LDLRAD4: variants seen among roughly 807,000 people sequenced by gnomAD.
LDLRAD4 encodes low density lipoprotein receptor class A domain containing 4, also known as low-density lipoprotein receptor class A domain-containing protein 4.
In LDLRAD4, 5 loss-of-function variants were observed where a neutral mutation model predicts 17.0. The observed-to-expected ratio is 0.29, with a 90% CI of 0.15 to 0.62. The LOEUF is 0.62. LDLRAD4 is among the 20% of genes least tolerant of loss of function. The probability of loss-of-function intolerance (pLI) is 0.84; values close to 1 mark genes in which losing one functional copy is unlikely to be tolerated. For missense variants in LDLRAD4, 340 were observed against 424.7 expected, an observed-to-expected ratio of 0.80 and a Z score of 1.75; for synonymous variants, 168 against 171.8, an observed-to-expected ratio of 0.98 and a Z score of 0.17.
intron 1 of LDLRAD4, among the ~76,000 whole-genome samples, chr18:13,242,516 G>A (rs2042714929): frequency 6.6e-6 from 1 of 152,098 alleles, no homozygotes; most frequent in Non-Finnish European, 1.5e-5. Context: ...TAGAACAATA[G>A]TAAAGAGGTT....
chr18:13,295,952 C>T (rs1166461983), intron 1 of LDLRAD4, among the ~76,000 whole-genome samples: 1 of 152,244 alleles, frequency 6.6e-6, no homozygotes. Context: ...ATCACTGGCT[C>T]CCCTCTCATA....
intron 1 of LDLRAD4, among the ~76,000 whole-genome samples, chr18:13,265,353 C>A (rs1368094144): frequency 6.6e-6 from 1 of 152,142 alleles, no homozygotes; most frequent in Non-Finnish European, 1.5e-5. Context: ...CCTGTGTGGC[C>A]TGGACGGGGT....
In LDLRAD4 at chr18:13,300,536, CCCGGTAGAGATA is replaced by C. The variant is rs566414278; in HGVS notation, c.-383+22351_-383+22362del. Among the ~76,000 whole-genome samples, 74 of 152,326 alleles carry C rather than the reference CCCGGTAGAGATA, an allele frequency of 4.9e-4. No homozygotes were observed. In the South Asian group the frequency reaches 0.015, roughly 30 times the overall value. ...TCCTCACTCTTCCTCCTGGGCCTGT[CCCGGTAGAGATA>C]CCCGGAACCCTCTCCTTCTCCTGGC... On this transcript the variant is annotated intron_variant, in intron 1 of 5. Transcript: ENST00000359446. The surrounding 1 kb of genome is among the most constrained non-coding windows in gnomAD (Gnocchi z 4.2).
rs1400644583 is a variant in LDLRAD4, at chr18:13,230,192, C to G, written c.-467+11204C>G. Among the ~76,000 whole-genome samples, 3 of 152,156 alleles carry G rather than the reference C, an allele frequency of 2.0e-5. No homozygotes were observed. In the East Asian group the frequency reaches 5.8e-4, roughly 29 times the overall value. On this transcript the variant is annotated intron_variant, in intron 1 of 5. Coordinates refer to the LDLRAD4 transcript ENST00000399848. ...AGGTGCCATCTATGAAGAATGGGCC[C>G]TCACCACACACCAGATCTGCCGGCA...
At chr18:13,270,937 A>G (rs2044500202) in intron 1 of LDLRAD4, among the ~76,000 whole-genome samples, 1 of 152,270 alleles carries the variant, frequency 6.6e-6, no homozygotes, top group African/African-American at 2.4e-5. Context: ...TTTGGATATT[A>G]TCTGTGTATA....
intron 1 of LDLRAD4, among the ~76,000 whole-genome samples, chr18:13,219,934 T>A (rs1295838896): frequency 6.6e-6 from 1 of 152,240 alleles, no homozygotes; most frequent in Non-Finnish European, 1.5e-5. Context: ...CATCTGTAAC[T>A]CTCCCTTTGT....
At chr18:13,246,939 G>C (rs1344516830) in intron 1 of LDLRAD4, among the ~76,000 whole-genome samples, 1 of 138,652 alleles carries the variant, frequency 7.2e-6, no homozygotes. Context: ...TATCTACAAG[G>C]GTTTTTTTTT....
At chr18:13,444,557 C>T (rs892406386) in intron 3 of LDLRAD4, among the ~76,000 whole-genome samples, 1 of 152,172 alleles carries the variant, frequency 6.6e-6, no homozygotes, top group African/African-American at 2.4e-5. Context: ...TTCCACCACA[C>T]GGAGATCACA....
chr18:13,339,489 C>T (rs965081844), intron 1 of LDLRAD4, among the ~76,000 whole-genome samples: 1 of 152,206 alleles, frequency 6.6e-6, no homozygotes, highest in South Asian at 2.1e-4. Context: ...GCATGAGCCA[C>T]TGCACCCAGC....
Position 13,296,071 on chromosome 18 carries a change from C to G in LDLRAD4, c.-383+17883C>G, listed in dbSNP as rs2046255579. 3.3e-5 allele frequency among the ~76,000 whole-genome samples: 5 copies of G among 152,248 alleles called. No homozygotes were observed. In the South Asian group the frequency reaches 1.0e-3, roughly 31 times the overall value. On this transcript the variant is annotated intron_variant, in intron 1 of 5. Coordinates refer to ENST00000359446, the Ensembl canonical transcript of LDLRAD4. ...GAACCAGCGCTCTTGCCTCTTCCGTCAAGGGCTCCTGCGCCTGGCGGGCAT... is the reference window on the plus strand; with the variant it reads ...GAACCAGCGCTCTTGCCTCTTCCGTGAAGGGCTCCTGCGCCTGGCGGGCAT...
intron 1 of LDLRAD4, among the ~76,000 whole-genome samples, chr18:13,222,488 G>A (rs920781833): frequency 6.6e-6 from 1 of 152,176 alleles, no homozygotes; most frequent in Non-Finnish European, 1.5e-5. Context: ...GCTCCAGACA[G>A]ATTGTTAATG....
intron 3 of LDLRAD4, among the ~76,000 whole-genome samples, chr18:13,494,996 T>A (rs1539803): frequency 0.28 from 42,893 of 151,744 alleles, 7,342 homozygotes; most frequent in Non-Finnish European, 0.37. Context: ...GCCTCCCAGC[T>A]TGGCAGTTAG....
chr18:13,450,336 C>CCCG (rs1600389550), intron 3 of LDLRAD4, among the ~76,000 whole-genome samples: 1 of 119,672 alleles, frequency 8.4e-6, no homozygotes, highest in African/African-American at 3.4e-5. Context: ...ACCCCCCCCC[C>CCCG]CAAAAAAACA....
At chr18:13,232,860 G>C (rs377440943) in intron 1 of LDLRAD4, among the ~76,000 whole-genome samples, 2 of 152,298 alleles carry the variant, frequency 1.3e-5, no homozygotes, top group African/African-American at 4.8e-5. Flanking sequence ...ACTCAGCTCC[G>C]GACCCGAAGC....
rs531486069 is a variant in LDLRAD4, at chr18:13,252,409, G to A, written c.-466-25696G>A. Among the ~76,000 whole-genome samples the A allele has an allele frequency of 5.4e-4, 83 of 152,330 alleles. No homozygotes were observed. The South Asian group carries it at 0.016, about 29-fold the overall frequency. On this transcript the variant is annotated intron_variant, in intron 1 of 5. Coordinates refer to the LDLRAD4 transcript ENST00000399848. ...CTCCCAAAGTGCTGGGATTACAGGC[G>A]TGAGCAACTGTGCCCGGCCTTCCAC...
chr18:13,318,933 CCCTT>C (rs2081075848), intron 1 of LDLRAD4, among the ~76,000 whole-genome samples: 1 of 152,176 alleles, frequency 6.6e-6, no homozygotes, highest in Non-Finnish European at 1.5e-5. Context: ...ACTCGCTGTC[CCCTT>C]CCTTTGTTGC....
chr18:13,467,757 C>G lies in LDLRAD4; in HGVS notation c.181+29373C>G, dbSNP rs2092663353. Among the ~76,000 whole-genome samples, 2 of 152,188 alleles carry G rather than the reference C, an allele frequency of 1.3e-5. 1 individual carries two copies. The highest frequency in any genetic ancestry group is 4.1e-4 in the South Asian group (2 of 4,830). On this transcript the variant is annotated intron_variant, in intron 3 of 5. Transcript: ENST00000359446. The stretch of plus-strand genomic sequence containing the variant: ...TCAAAATTTACAAAAGTACTGTAAT[C>G]AACACGGTGTGGCGTGGACTTCAGG...
chr18:13,587,846 GA>G (rs2094955353), intron 3 of LDLRAD4, among the ~76,000 whole-genome samples: 2 of 152,214 alleles, frequency 1.3e-5, no homozygotes, highest in Non-Finnish European at 2.9e-5. Context: ...AAAAAGGGGG[GA>G]GGTCACTTTC....
intron 1 of LDLRAD4, among the ~76,000 whole-genome samples, chr18:13,342,615 A>G (rs891964912): frequency 6.7e-6 from 1 of 149,992 alleles, no homozygotes; most frequent in Non-Finnish European, 1.5e-5. Flanking sequence ...TTTTTAACTT[A>G]ATGTCCATTT....
Sources: gnomAD v4.1 joint callset for allele counts (sites outside exome capture counted in the v4.1 genomes callset) on GRCh38, gnomAD v4.1.1 for gene constraint, Gnocchi (gnomAD v3.1) non-coding constraint, MANE v1.5 for transcripts, NCBI Gene and HGNC (gene_info 2026-07-23, HGNC 2026-07-21) for gene names.